SLC35F4: variants seen among roughly 807,000 people sequenced by gnomAD.
SLC35F4 encodes the protein solute carrier family 35 member F4.
SLC35F4 carries 24 observed loss-of-function variants against 44.2 expected under a neutral mutation model. That is an observed-to-expected ratio of 0.54 (90% CI 0.39 to 0.76). SLC35F4 has a LOEUF of 0.76. Ranked by LOEUF, SLC35F4 falls within the 30% of genes least tolerant of loss-of-function variation. The pLI is 0.00. For synonymous variants in SLC35F4, 238 were observed against 223.6 expected (o/e 1.06, Z -0.57); for missense variants, 562 against 586.1 (o/e 0.96, Z 0.42).
At chr14:57,622,372 T>G (rs1185832225) in intron 1 of SLC35F4, among the ~76,000 whole-genome samples, 1 of 145,602 alleles carries the variant, frequency 6.9e-6, no homozygotes, top group Non-Finnish European at 1.5e-5. Context: ...TGCACACGTA[T>G]GTTTATTGCG....
intron 4 of SLC35F4, among the ~76,000 whole-genome samples, chr14:57,577,547 T>A (rs1167749992): frequency 6.6e-6 from 1 of 151,924 alleles, no homozygotes; most frequent in South Asian, 2.1e-4. Context: ...AGGGACAAAA[T>A]CTGAAAGAAA....
intron 1 of SLC35F4, among the ~76,000 whole-genome samples, chr14:57,638,529 C>T (rs1275738020): frequency 6.6e-6 from 1 of 152,138 alleles, no homozygotes; most frequent in Non-Finnish European, 1.5e-5. Context: ...AACCCTTACT[C>T]CTTGGAAATG....
chr14:57,731,983 C>A (rs1364264689), intron 1 of SLC35F4, among the ~76,000 whole-genome samples: 2 of 152,028 alleles, frequency 1.3e-5, no homozygotes, highest in African/African-American at 4.8e-5. Context: ...GCTTCAATTC[C>A]AAGATAAAAT....
chr14:57,581,897 ATTTC>A (rs2069300655), intron 3 of SLC35F4, among the ~76,000 whole-genome samples: 1 of 152,140 alleles, frequency 6.6e-6, no homozygotes, highest in Non-Finnish European at 1.5e-5. Flanking sequence ...TTTGGATTTT[ATTTC>A]TAAGACACTA....
At chr14:57,741,366 T>G (rs1004712913) in intron 1 of SLC35F4, among the ~76,000 whole-genome samples, 1 of 152,058 alleles carries the variant, frequency 6.6e-6, no homozygotes, top group African/African-American at 2.4e-5. Context: ...AATGACTAAC[T>G]AGAATAAACA....
At chr14:57,581,178 G>T in intron 4 of SLC35F4, 36 bp downstream of exon 4, 1 of 1,476,424 alleles carries the variant, frequency 6.8e-7, no homozygotes, top group South Asian at 1.5e-5. Flanking sequence ...TTATGAAAAA[G>T]GCAGGCATCG....
chr14:57,869,772 A>G (rs891672151), upstream of SLC35F4, among the ~76,000 whole-genome samples: 10 of 152,236 alleles, frequency 6.6e-5, no homozygotes, highest in African/African-American at 2.4e-4. Flanking sequence ...ACCAGGTGAT[A>G]AGAAATGGCA....
rs187851543 is a variant in SLC35F4, at chr14:57,664,844, A to G, written c.104-70720T>C. Among the ~76,000 whole-genome samples, 612 of 152,278 alleles carry G rather than the reference A, an allele frequency of 4.0e-3. 5 individuals carry two copies. The highest frequency in any genetic ancestry group is 0.017 in the Middle Eastern group (5 of 294). On this transcript the variant is annotated intron_variant, in intron 1 of 7. Transcript: ENST00000556826. ...CTTTCTGTCCTCCAGGCCTGTCCCA[A>G]TGATCTGAAAATACAAATCTACTAA...
At chr14:57,879,558 C>CTCA (rs1335826129) in intron 1 of SLC35F4, among the ~76,000 whole-genome samples, 2 of 152,186 alleles carry the variant, frequency 1.3e-5, no homozygotes, top group African/African-American at 4.8e-5. Context: ...TGTTTTTCAT[C>CTCA]TCATGACTTT....
At position 57,815,650 on chromosome 14, in the gene SLC35F4, T is replaced by TCC. The variant is rs879332832; in HGVS notation, c.103+50072_103+50073insGG. Among the ~76,000 whole-genome samples, 6 of 152,252 alleles carry TCC rather than the reference T, an allele frequency of 3.9e-5. No individual in the cohort carries two copies. The East Asian group carries it at 1.2e-3, about 29-fold the overall frequency. On this transcript the variant is annotated intron_variant, in intron 1 of 7. Transcript: ENST00000556826. ...TGACCTAGCTTCTGGCAAGGCAGAATTTACTTAAGGATGCATCATTGTCAT... is the reference window on the plus strand; with the variant it reads ...TGACCTAGCTTCTGGCAAGGCAGAATCCTTACTTAAGGATGCATCATTGTCAT...
Position 57,589,391 on chromosome 14 carries a change from C to T in SLC35F4, c.412G>A (p.Val138Ile), listed in dbSNP as rs1699120554. Reference sequence around the variant, plus strand: ...GTAGTTCCAACCCAAGATGATGATACTGACAAGATGATCAAGAGTCCCCAG... The same window carrying T: ...GTAGTTCCAACCCAAGATGATGATATTGACAAGATGATCAAGAGTCCCCAG... Reference protein sequence around the residue: ...GIWGLLIILSVSSSWVGTTQI... With the variant: ...GIWGLLIILSISSSWVGTTQI... Residue 138 changes from valine (V) to isoleucine (I), a missense_variant, in exon 3 of 8, where the codon GTA becomes ATA. By Grantham distance (29) the Val-to-Ile change is conservative (BLOSUM62 3). Transcript: ENST00000556826. 1 of 1,613,822 alleles carries T rather than the reference C, an allele frequency of 6.2e-7. No homozygotes were observed. Among genetic ancestry groups the T allele is most frequent in the Non-Finnish European group, 8.5e-7 (1 of 1,179,894 alleles).
chr14:57,802,543 G>GA (rs1422329444), intron 1 of SLC35F4, among the ~76,000 whole-genome samples: 2 of 150,942 alleles, frequency 1.3e-5, no homozygotes, highest in Non-Finnish European at 3.0e-5. Flanking sequence ...TTCAGTTTTT[G>GA]AAAAAAATTA....
At chr14:57,890,047 C>A (rs1378524065) in intron 1 of SLC35F4, among the ~76,000 whole-genome samples, 1 of 152,212 alleles carries the variant, frequency 6.6e-6, no homozygotes, top group African/African-American at 2.4e-5. Flanking sequence ...CGGTATCCTT[C>A]TCTACCCCCA....
Position 57,873,708 on chromosome 14 carries a change from A to G in SLC35F4, n.282+108205T>C, listed in dbSNP as rs567179786. On this transcript the variant is annotated intron_variant and non_coding_transcript_variant, in intron 1 of 1. Transcript: ENST00000556568. ...TCTTCCATTTTCCAAGTGTTCTGAAATATAATTTGCTAATATTAAAGTGAA... is the reference window on the plus strand; with the variant it reads ...TCTTCCATTTTCCAAGTGTTCTGAAGTATAATTTGCTAATATTAAAGTGAA... Among the ~76,000 whole-genome samples, 11 of 152,032 alleles carry G rather than the reference A, an allele frequency of 7.2e-5. No homozygotes were observed. In the South Asian group the frequency reaches 2.3e-3, roughly 32 times the overall value.
At chr14:57,638,429 T>C (rs2073096611) in intron 1 of SLC35F4, among the ~76,000 whole-genome samples, 1 of 152,104 alleles carries the variant, frequency 6.6e-6, no homozygotes, top group South Asian at 2.1e-4. Context: ...GCACACGTGT[T>C]AGGGGCCCCT....
chr14:57,565,758 T>C lies in SLC35F4; in HGVS notation c.1216+717A>G, dbSNP rs538226473. Among the ~76,000 whole-genome samples the C allele has an allele frequency of 2.0e-5, 3 of 152,338 alleles. No homozygotes were observed. In the South Asian group the frequency reaches 6.2e-4, roughly 32 times the overall value. On this transcript the variant is annotated intron_variant, in intron 7 of 7. Transcript: ENST00000556826. Reference sequence around the variant, plus strand: ...CTTTTACAAATTCAGCCATAAGCATTTTAAGAGAATAATAATGTATTTTTT... The same window carrying C: ...CTTTTACAAATTCAGCCATAAGCATCTTAAGAGAATAATAATGTATTTTTT...
intron 1 of SLC35F4, among the ~76,000 whole-genome samples, chr14:57,725,317 C>T (rs1418707951): frequency 2.0e-5 from 3 of 152,188 alleles, no homozygotes; most frequent in Non-Finnish European, 4.4e-5. Context: ...AATTTGCCAG[C>T]AGTAGAGACC....
intron 1 of SLC35F4, among the ~76,000 whole-genome samples, chr14:57,620,106 G>A (rs894999129): frequency 3.9e-5 from 6 of 152,136 alleles, no homozygotes; most frequent in Non-Finnish European, 8.8e-5. Flanking sequence ...GAACCTAGTT[G>A]GAAAACACTC....
intron 1 of SLC35F4, among the ~76,000 whole-genome samples, chr14:57,693,742 A>G (rs1269083764): frequency 6.6e-6 from 1 of 152,024 alleles, no homozygotes; most frequent in Non-Finnish European, 1.5e-5. Flanking sequence ...TGTGTCTTTA[A>G]TTCCTCTAGC....
Sources: gnomAD v4.1 joint callset for allele counts (sites outside exome capture counted in the v4.1 genomes callset) on GRCh38, gnomAD v4.1.1 for gene constraint, MANE v1.5 for transcripts, NCBI Gene and HGNC (gene_info 2026-07-23, HGNC 2026-07-21) for gene names.